Variants in CACNB2 observed in about 807,000 individuals in gnomAD.
The protein encoded by CACNB2 is calcium voltage-gated channel auxiliary subunit beta 2.
Under a neutral mutation model 73.3 loss-of-function variants are expected in CACNB2, and 42 were observed. The ratio of observed to expected loss-of-function variants is 0.57; its 90% confidence interval spans 0.45 to 0.74. CACNB2 has a LOEUF of 0.74. Ranked by LOEUF, CACNB2 falls within the 30% of genes least tolerant of loss-of-function variation. The probability of loss-of-function intolerance (pLI) is 0.00; values close to 1 mark genes in which losing one functional copy is unlikely to be tolerated. For synonymous variants in CACNB2, 348 were observed against 310.3 expected (o/e 1.12, Z -1.28); for missense variants, 940 against 853.0 (o/e 1.10, Z -1.27).
At position 18,478,708 on chromosome 10, in the gene CACNB2, G is replaced by A. The variant is rs544993832; in HGVS notation, c.334-19647G>A. On this transcript the variant is annotated intron_variant, in intron 3 of 13. Transcript: ENST00000324631. The stretch of plus-strand genomic sequence containing the variant: ...TGGCCAAACAAGTTATGGGAGTAGG[G>A]AGAAGAGGAATTCCATTGAGAGGAT... 3.3e-5 allele frequency among the ~76,000 whole-genome samples: 5 copies of A among 152,342 alleles called. No individual in the cohort carries two copies. In the South Asian group the frequency reaches 1.0e-3, roughly 32 times the overall value.
chr10:18,443,018 A>ACG lies in CACNB2; in HGVS notation c.333+40975_333+40976insCG, dbSNP rs2046544264. 7.1e-5 allele frequency among the ~76,000 whole-genome samples: 5 copies of ACG among 69,966 alleles called. 1 individual carries two copies. Among genetic ancestry groups the ACG allele is most frequent in the Non-Finnish European group, 1.2e-4 (4 of 34,162 alleles). 45.9% of individuals were successfully genotyped at this position (69,966 alleles called of 152,430 possible). ...TATATGTGTATATATATATATGTAT[A>ACG]TATATATATATATATATAAATAAGG... On this transcript the variant is annotated intron_variant, in intron 3 of 13. Transcript: ENST00000324631.
intron 2 of CACNB2, among the ~76,000 whole-genome samples, chr10:18,280,322 C>A (rs1401186877): frequency 6.6e-6 from 1 of 152,122 alleles, no homozygotes; most frequent in Non-Finnish European, 1.5e-5. Flanking sequence ...TCATGAAATA[C>A]TCATAACCTA....
intron 2 of CACNB2, among the ~76,000 whole-genome samples, chr10:18,213,796 A>G (rs2035409147): frequency 6.6e-6 from 1 of 152,224 alleles, no homozygotes; most frequent in Non-Finnish European, 1.5e-5. Context: ...TGGAGTCAGG[A>G]CAGAGTATCT....
rs1483659216 is a variant in CACNB2, at chr10:18,165,614, G to C, written c.213+14639G>C. On this transcript the variant is annotated intron_variant, in intron 2 of 13. Transcript: ENST00000324631. ...TCTAATAGAGACAGTGTCTCACCATGTTGGCCAGGTACAGGTAGTATACCT... is the reference window on the plus strand; with the variant it reads ...TCTAATAGAGACAGTGTCTCACCATCTTGGCCAGGTACAGGTAGTATACCT... Among the ~76,000 whole-genome samples the C allele has an allele frequency of 6.6e-5, 10 of 152,186 alleles. No homozygotes were observed. The East Asian group carries it at 1.7e-3, about 26-fold the overall frequency.
At chr10:18,285,570 A>G (rs1459277535) in intron 2 of CACNB2, among the ~76,000 whole-genome samples, 1 of 152,220 alleles carries the variant, frequency 6.6e-6, no homozygotes, top group Non-Finnish European at 1.5e-5. Flanking sequence ...GAGTCCTCAA[A>G]TGAAAACTGC....
At chr10:18,312,814 C>T (rs914940188) in intron 2 of CACNB2, among the ~76,000 whole-genome samples, 16 of 152,092 alleles carry the variant, frequency 1.1e-4, no homozygotes, top group African/African-American at 3.6e-4. Flanking sequence ...CTCTTGGGGG[C>T]GGGGGCATTC....
chr10:18,151,385 A>T (rs2031545822), intron 2 of CACNB2: 1 of 174,184 alleles, frequency 5.7e-6, no homozygotes, highest in Non-Finnish European at 1.2e-5. Flanking sequence ...GCTTGCATTG[A>T]AAACTAGAAA....
At chr10:18,330,988 C>T (rs2040777977) in intron 2 of CACNB2, among the ~76,000 whole-genome samples, 2 of 140,512 alleles carry the variant, frequency 1.4e-5, no homozygotes, top group South Asian at 4.6e-4. Context: ...TGCACCATGC[C>T]CGGCCTTTTT....
intron 3 of CACNB2, among the ~76,000 whole-genome samples, chr10:18,418,056 T>G (rs776463815): frequency 6.6e-6 from 1 of 151,670 alleles, no homozygotes; most frequent in Non-Finnish European, 1.5e-5. Flanking sequence ...GAGTGCAGGG[T>G]TGTGGTTTTT....
chr10:18,463,660 C>G (rs113258563), intron 3 of CACNB2, among the ~76,000 whole-genome samples: 55 of 151,906 alleles, frequency 3.6e-4, no homozygotes, highest in African/African-American at 1.3e-3. Flanking sequence ...TCTGGAACTC[C>G]TGGTCTCAAG....
At chr10:18,496,323 T>C (rs1198611455) in intron 3 of CACNB2, among the ~76,000 whole-genome samples, 2 of 152,140 alleles carry the variant, frequency 1.3e-5, no homozygotes, top group Non-Finnish European at 2.9e-5. Context: ...TAGACCATAG[T>C]AACATCAGGG....
At chr10:18,501,100 G>A in intron 5 of CACNB2, 152 bp downstream of exon 5, 1 of 831,910 alleles carries the variant, frequency 1.2e-6, no homozygotes, top group East Asian at 2.7e-5. Flanking sequence ...GCATTTTCCT[G>A]CATTTAAAAA....
intron 2 of CACNB2, among the ~76,000 whole-genome samples, chr10:18,363,420 G>A (rs2042221952): frequency 6.6e-6 from 1 of 152,128 alleles, no homozygotes; most frequent in Admixed American, 6.5e-5. Flanking sequence ...GCCCCATGGG[G>A]CCTTCTCTGT....
At chr10:18,157,779 C>G (rs1000965785) in intron 2 of CACNB2, among the ~76,000 whole-genome samples, 1 of 152,172 alleles carries the variant, frequency 6.6e-6, no homozygotes, top group Non-Finnish European at 1.5e-5. Flanking sequence ...CAATTTCATT[C>G]TTTCATCTAA....
intron 2 of CACNB2, among the ~76,000 whole-genome samples, chr10:18,281,542 G>T (rs2038544826): frequency 6.6e-6 from 1 of 152,166 alleles, no homozygotes; most frequent in Admixed American, 6.6e-5. Flanking sequence ...AACACACACA[G>T]ATTGGGAGCT....
chr10:18,259,570 A>AAAAAAAAAAAAAAAAAAGAAAAC (rs1554779378), intron 2 of CACNB2, among the ~76,000 whole-genome samples: 4 of 116,956 alleles, frequency 3.4e-5, no homozygotes, highest in Admixed American at 8.7e-5. Context: ...CAAACAAAAA[A>AAAAAAAAAAAAAAAAAAGAAAAC]AAAAAGTAAA....
chr10:18,298,279 G>C (rs1042787008), intron 2 of CACNB2, among the ~76,000 whole-genome samples: 8 of 151,850 alleles, frequency 5.3e-5, no homozygotes, highest in African/African-American at 1.9e-4. Context: ...TGAGGCAGGA[G>C]AATCACCTGA....
intron 10 of CACNB2, among the ~76,000 whole-genome samples, chr10:18,532,714 C>G (rs1453056247): frequency 1.9e-5 from 2 of 103,984 alleles, no homozygotes; most frequent in Non-Finnish European, 4.2e-5. Flanking sequence ...AAAAAACAAA[C>G]AAACAAAAAA....
At chr10:18,346,967 T>A (rs2041485185) in intron 2 of CACNB2, among the ~76,000 whole-genome samples, 1 of 152,136 alleles carries the variant, frequency 6.6e-6, no homozygotes, top group Non-Finnish European at 1.5e-5. Context: ...GATCCTTAAT[T>A]GTGCTGCCAA....
Sources: gnomAD v4.1 joint callset for allele counts (sites outside exome capture counted in the v4.1 genomes callset) on GRCh38, gnomAD v4.1.1 for gene constraint, MANE v1.5 for transcripts, NCBI Gene and HGNC (gene_info 2026-07-23, HGNC 2026-07-21) for gene names.